Variants in ASPRV1 observed in about 807,000 individuals in gnomAD.
ASPRV1 encodes the protein aspartic peptidase retroviral like 1, also known as retroviral-like aspartic protease 1.
Under a neutral mutation model 11.0 loss-of-function variants are expected in ASPRV1, and 7 were observed. The ratio of observed to expected loss-of-function variants is 0.64; its 90% CI spans 0.36 to 1.20. The LOEUF (loss-of-function observed/expected upper bound fraction) is 1.20, where lower values mean the gene tolerates loss of function less well. Among genes scored for constraint, ASPRV1 ranks in the 50% most tolerant of loss-of-function variants. The pLI is 0.02. For missense variants in ASPRV1, 299 were observed against 320.0 expected, an observed-to-expected ratio of 0.93 and a Z score of 0.50; for synonymous variants, 136 against 138.4, an observed-to-expected ratio of 0.98 and a Z score of 0.12.
chr2:70,082,682 C>T, the ASPRV1 span, among the ~76,000 whole-genome samples: 1 of 152,166 alleles, frequency 6.6e-6, no homozygotes, highest in Non-Finnish European at 1.5e-5. Context: ...TGCACTCCAT[C>T]CTGGGCAACA....
chr2:70,080,424 A>C, the ASPRV1 span, among the ~76,000 whole-genome samples: 1 of 152,116 alleles, frequency 6.6e-6, no homozygotes, highest in Non-Finnish European at 1.5e-5. Flanking sequence ...ACAGGGTTTC[A>C]CCACGTTGGC....
chr2:70,042,794 A>C, the ASPRV1 span, among the ~76,000 whole-genome samples: 22 of 152,152 alleles, frequency 1.4e-4, no homozygotes, highest in African/African-American at 5.1e-4. Context: ...ACCTTGCCAA[A>C]CTTTGGGGGA....
At chr2:70,071,926 A>C in the ASPRV1 span, among the ~76,000 whole-genome samples, 1 of 151,472 alleles carries the variant, frequency 6.6e-6, no homozygotes, top group Admixed American at 6.6e-5. Flanking sequence ...CAACATAGCG[A>C]GACCCAGTCT....
At chr2:70,030,854 A>T in the ASPRV1 span, 1 of 152,232 alleles carries the variant, frequency 6.6e-6, no homozygotes, top group Non-Finnish European at 1.5e-5. Context: ...ATGGCCATTC[A>T]TTCAATAAAC....
chr2:69,944,272 A>C, the ASPRV1 span, among the ~76,000 whole-genome samples: 1 of 152,264 alleles, frequency 6.6e-6, no homozygotes, highest in Non-Finnish European at 1.5e-5. Flanking sequence ...ACAAGATGAC[A>C]AATCTTATTT....
the ASPRV1 span, among the ~76,000 whole-genome samples, chr2:70,004,314 G>A: frequency 2.0e-5 from 3 of 151,950 alleles, no homozygotes; most frequent in South Asian, 2.1e-4. Context: ...GGCGGATGAC[G>A]AGGTCAGGAG....
chr2:70,052,949 C>T, the ASPRV1 span, among the ~76,000 whole-genome samples: 2 of 152,174 alleles, frequency 1.3e-5, no homozygotes, highest in Non-Finnish European at 2.9e-5. Context: ...CTACCCTTGG[C>T]ACACAAGGCC....
chr2:69,972,106 G>A, the ASPRV1 span, among the ~76,000 whole-genome samples: 1 of 151,644 alleles, frequency 6.6e-6, no homozygotes, highest in Non-Finnish European at 1.5e-5. Flanking sequence ...CTGTCACCCA[G>A]GCTGGAGTGC....
At chr2:70,027,752 A>C in the ASPRV1 span, among the ~76,000 whole-genome samples, 1 of 152,242 alleles carries the variant, frequency 6.6e-6, no homozygotes, top group African/African-American at 2.4e-5. Flanking sequence ...GTTAGATAAA[A>C]GGAATAAGTT....
At chr2:70,072,292 A>C in the ASPRV1 span, among the ~76,000 whole-genome samples, 1 of 152,130 alleles carries the variant, frequency 6.6e-6, no homozygotes, top group Non-Finnish European at 1.5e-5. Context: ...GTGGTGGCAC[A>C]CAGTAGTCCC....
chr2:70,059,348 A>C, the ASPRV1 span, among the ~76,000 whole-genome samples: 745 of 149,074 alleles, frequency 5.0e-3, 4 homozygotes, highest in Middle Eastern at 0.01. Flanking sequence ...GGTTTGTTAC[A>C]TAGGTATGCA....
the ASPRV1 span, among the ~76,000 whole-genome samples, chr2:70,047,958 A>T: frequency 5.3e-5 from 8 of 151,802 alleles, no homozygotes; most frequent in East Asian, 1.5e-3. Flanking sequence ...AAAGCACAAA[A>T]ATTAGCTGGG....
chr2:70,060,244 G>C, the ASPRV1 span: 3 of 150,736 alleles, frequency 2.0e-5, no homozygotes, highest in Non-Finnish European at 1.5e-5. Flanking sequence ...GGGAGGCTGA[G>C]GCATGAGAAT....
chr2:70,079,968 C>T, the ASPRV1 span, among the ~76,000 whole-genome samples: 4 of 152,192 alleles, frequency 2.6e-5, no homozygotes, highest in African/African-American at 9.6e-5. Flanking sequence ...GTTGAAGTAA[C>T]TGTCTCTCTG....
chr2:69,956,900 C>G (rs981476079), downstream of ASPRV1, among the ~76,000 whole-genome samples: 1 of 152,128 alleles, frequency 6.6e-6, no homozygotes, highest in Non-Finnish European at 1.5e-5. Flanking sequence ...TTCAGCCAAA[C>G]TGAGGAACAT....
chr2:70,035,140 G>C, the ASPRV1 span, among the ~76,000 whole-genome samples: 1 of 152,124 alleles, frequency 6.6e-6, no homozygotes, highest in Admixed American at 6.5e-5. Flanking sequence ...CTCCTACAGC[G>C]GACCTATAAA....
chr2:69,981,412 A>C, the ASPRV1 span, among the ~76,000 whole-genome samples: 1 of 152,244 alleles, frequency 6.6e-6, no homozygotes, highest in Non-Finnish European at 1.5e-5. Context: ...AGCTCAATAA[A>C]ATTTTTTAAA....
chr2:70,005,604 T>C, the ASPRV1 span, among the ~76,000 whole-genome samples: 1 of 152,240 alleles, frequency 6.6e-6, no homozygotes, highest in Non-Finnish European at 1.5e-5. Context: ...CTCAGTTAAA[T>C]TCTATCTGGT....
chr2:70,049,885 C>T, the ASPRV1 span: 1 of 152,170 alleles, frequency 6.6e-6, no homozygotes, highest in South Asian at 2.1e-4. Flanking sequence ...AAGTGATATT[C>T]AAAATAACAA....
Sources: gnomAD v4.1 joint callset for allele counts (sites outside exome capture counted in the v4.1 genomes callset) on GRCh38, gnomAD v4.1.1 for gene constraint, MANE v1.5 for transcripts, NCBI Gene and HGNC (gene_info 2026-07-23, HGNC 2026-07-21) for gene names.